The following MCTP1 variants were observed in gnomAD, a reference collection of about 807,000 sequenced individuals.
The protein encoded by MCTP1 is multiple C2 and transmembrane domain containing 1.
In MCTP1, 69 loss-of-function variants were observed where a neutral mutation model predicts 120.6. The ratio of observed to expected loss-of-function variants is 0.57; its 90% CI spans 0.47 to 0.70. The LOEUF is 0.70. Among genes scored for constraint, MCTP1 ranks in the 30% least tolerant of loss-of-function variants. MCTP1 has a pLI of 0.00. For synonymous variants in MCTP1, 529 were observed against 493.1 expected (o/e 1.07, Z -0.96); for missense variants, 1,203 against 1,248.8 (o/e 0.96, Z 0.55).
At chr5:94,708,849 G>A (rs544018082) in intron 21 of MCTP1, 1 of 351,370 alleles carries the variant, frequency 2.8e-6, no homozygotes, top group Admixed American at 4.1e-5. Flanking sequence ...GCTGCCCTGG[G>A]GGTTAATTAG....
chr5:95,149,654 A>T (rs1355454830), intron 1 of MCTP1, among the ~76,000 whole-genome samples: 2 of 152,204 alleles, frequency 1.3e-5, no homozygotes, highest in Non-Finnish European at 2.9e-5. Flanking sequence ...GAAGTGGTAC[A>T]GTCTGACTGC....
At chr5:94,764,078 G>A (rs962623740) in intron 19 of MCTP1, among the ~76,000 whole-genome samples, 1 of 152,154 alleles carries the variant, frequency 6.6e-6, no homozygotes, top group Non-Finnish European at 1.5e-5. Flanking sequence ...CAGGCTAAAG[G>A]AGTAGCTTCT....
At chr5:95,274,216 T>C (rs1759630832) in intron 1 of MCTP1, among the ~76,000 whole-genome samples, 1 of 152,214 alleles carries the variant, frequency 6.6e-6, no homozygotes, top group African/African-American at 2.4e-5. Context: ...ACAGGACACT[T>C]ATTTGCCTTT....
Position 95,183,141 on chromosome 5 carries a change from A to G in MCTP1, c.720+100715T>C, listed in dbSNP as rs1377835582. ...GAATAGAGTCCAGAAATAGATCCAT[A>G]CATAAGTGGTTAATTGATATTTGTC... is the stretch of plus-strand genomic sequence containing the variant. On this transcript the variant is annotated intron_variant, in intron 1 of 22. Transcript: ENST00000515393. 2.0e-5 allele frequency among the ~76,000 whole-genome samples: 3 copies of G among 152,256 alleles called. No individual in the cohort carries two copies. The East Asian group carries it at 5.8e-4, about 29-fold the overall frequency.
chr5:95,043,811 G>T (rs1842735517), intron 1 of MCTP1, among the ~76,000 whole-genome samples: 1 of 152,074 alleles, frequency 6.6e-6, no homozygotes, highest in East Asian at 1.9e-4. Flanking sequence ...TAAATTAATG[G>T]GATTAGTAAA....
At chr5:94,916,621 T>C (rs905212869) in intron 8 of MCTP1, among the ~76,000 whole-genome samples, 1 of 152,206 alleles carries the variant, frequency 6.6e-6, no homozygotes, top group African/African-American at 2.4e-5. Flanking sequence ...TTGCAAACTA[T>C]GAAATTCTGA....
At chr5:95,143,922 T>C (rs763524181) in intron 1 of MCTP1, among the ~76,000 whole-genome samples, 2 of 152,224 alleles carry the variant, frequency 1.3e-5, no homozygotes. Flanking sequence ...ATATATTTAG[T>C]AATGGGATTG....
chr5:95,169,229 C>G (rs1397032878), intron 1 of MCTP1, among the ~76,000 whole-genome samples: 1 of 152,232 alleles, frequency 6.6e-6, no homozygotes, highest in Non-Finnish European at 1.5e-5. Context: ...ACCAGCCTTG[C>G]AACCCACAGA....
In MCTP1 at chr5:94,990,762, A is replaced by T. The variant is rs147907151; in HGVS notation, c.838+26605T>A. Reference sequence around the variant, plus strand: ...GAGGTCATTTTAGAATTCTTATTCCACAAGTCTTAAATCCAGCCTTATTTA... The same window carrying T: ...GAGGTCATTTTAGAATTCTTATTCCTCAAGTCTTAAATCCAGCCTTATTTA... On this transcript the variant is annotated intron_variant, in intron 2 of 22. Transcript: ENST00000515393. 2.1e-3 allele frequency among the ~76,000 whole-genome samples: 313 copies of T among 152,330 alleles called. 1 individual carries two copies. Among genetic ancestry groups the T allele is most frequent in the African/African-American group, 6.9e-3 (286 of 41,582 alleles).
intron 1 of MCTP1, among the ~76,000 whole-genome samples, chr5:95,240,381 G>A (rs1756030555): frequency 6.6e-6 from 1 of 152,200 alleles, no homozygotes; most frequent in African/African-American, 2.4e-5. Context: ...CTAACCTGGT[G>A]TTCACACGCA....
intron 1 of MCTP1, among the ~76,000 whole-genome samples, chr5:95,283,580 A>G (rs1760493284): frequency 6.6e-6 from 1 of 152,244 alleles, no homozygotes; most frequent in South Asian, 2.1e-4. Flanking sequence ...TCTAAAAAGT[A>G]CCCACTTTAG....
chr5:95,104,171 A>AC (rs34696751), intron 1 of MCTP1, among the ~76,000 whole-genome samples: 32 of 151,796 alleles, frequency 2.1e-4, no homozygotes, highest in African/African-American at 5.8e-4. Flanking sequence ...ATTTAGACTT[A>AC]CCCCCCCTCC....
intron 12 of MCTP1, among the ~76,000 whole-genome samples, chr5:94,881,406 G>T (rs1035871008): frequency 1.3e-5 from 2 of 152,110 alleles, no homozygotes; most frequent in Non-Finnish European, 2.9e-5. Context: ...CTAGAAGGAA[G>T]TTTGCTCTTT....
intron 2 of MCTP1, 75 bp from the exon 3 acceptor site, chr5:94,953,436 CA>C: frequency 8.4e-7 from 1 of 1,185,734 alleles, no homozygotes; most frequent in Admixed American, 3.4e-5. Context: ...TTTGAAACAA[CA>C]AAAAGTATTT....
intron 6 of MCTP1, among the ~76,000 whole-genome samples, chr5:94,925,432 A>T (rs159025): frequency 6.6e-6 from 1 of 151,790 alleles, no homozygotes; most frequent in African/African-American, 2.4e-5. Context: ...TTTTTGAGAC[A>T]GAGTCTTGCT....
chr5:95,079,126 C>A (rs780316193), intron 1 of MCTP1, among the ~76,000 whole-genome samples: 4 of 152,234 alleles, frequency 2.6e-5, no homozygotes, highest in Admixed American at 2.0e-4. Flanking sequence ...TAAAACCCAA[C>A]AAACCATCTC....
rs528162566 is a variant in MCTP1, at chr5:94,970,814, A to T, written c.839-17453T>A. Among the ~76,000 whole-genome samples the T allele has an allele frequency of 7.9e-5, 12 of 152,140 alleles. No individual in the cohort carries two copies. In the East Asian group the frequency reaches 9.7e-4, roughly 12 times the overall value. The stretch of plus-strand genomic sequence containing the variant: ...CCTATTTAAAAAATCAGAATATTTT[A>T]AAAAATAGACCCTAAAGTATTACGC... On this transcript the variant is annotated intron_variant, in intron 2 of 22. Coordinates refer to ENST00000515393, the MANE Select transcript of MCTP1 (RefSeq NM_024717.7).
At chr5:94,762,211 C>T (rs1471228288) in intron 19 of MCTP1, among the ~76,000 whole-genome samples, 1 of 152,188 alleles carries the variant, frequency 6.6e-6, no homozygotes, top group African/African-American at 2.4e-5. Context: ...GGTTGTTTCA[C>T]TCTTTAATGA....
At chr5:95,220,514 G>C (rs1753571960) in intron 1 of MCTP1, among the ~76,000 whole-genome samples, 1 of 151,958 alleles carries the variant, frequency 6.6e-6, no homozygotes, top group African/African-American at 2.4e-5. Flanking sequence ...TTGGCTTTTA[G>C]CCAATTCACA....
Sources: allele counts gnomAD v4.1 joint callset (sites outside exome capture counted in the v4.1 genomes callset), GRCh38; gene constraint gnomAD v4.1.1; transcripts MANE v1.5; gene names NCBI Gene and HGNC (gene_info 2026-07-23, HGNC 2026-07-21).